ANO6: variants seen among roughly 807,000 people sequenced by gnomAD.
The protein encoded by ANO6 is anoctamin 6, also known as anoctamin-6.
A neutral mutation model predicts 117.5 loss-of-function variants in ANO6; 106 were observed. That is an observed-to-expected ratio of 0.90 (90% CI 0.77 to 1.06). The LOEUF (loss-of-function observed/expected upper bound fraction) is 1.06, where lower values mean the gene tolerates loss of function less well. ANO6 is among the 50% of genes least tolerant of loss of function. The probability of loss-of-function intolerance (pLI) is 0.00; values close to 1 mark genes in which losing one functional copy is unlikely to be tolerated. For missense variants in ANO6, 955 were observed against 1,121.1 expected (o/e 0.85, Z 2.12); for synonymous variants, 367 against 385.1 (o/e 0.95, Z 0.55).
chr12:45,290,295 A>G (rs1214250817), intron 1 of ANO6, among the ~76,000 whole-genome samples: 1 of 151,058 alleles, frequency 6.6e-6, no homozygotes. Context: ...TTATGTTCTC[A>G]TTCCTTCTAG....
intron 1 of ANO6, among the ~76,000 whole-genome samples, chr12:45,273,176 C>G (rs1441092848): frequency 6.6e-6 from 1 of 152,048 alleles, no homozygotes; most frequent in Non-Finnish European, 1.5e-5. Context: ...TCAAAGGGTA[C>G]AGAGTTTAAG....
At position 45,377,329 on chromosome 12, in the gene ANO6, G is replaced by T. The variant is rs180771586; in HGVS notation, c.1105-724G>T. Among the ~76,000 whole-genome samples, 5 of 152,108 alleles carry T rather than the reference G, an allele frequency of 3.3e-5. No individual in the cohort carries two copies. The East Asian group carries it at 9.7e-4, about 29-fold the overall frequency. On this transcript the variant is annotated intron_variant, in intron 9 of 19. Coordinates refer to ENST00000320560, the MANE Select transcript of ANO6 (RefSeq NM_001025356.3). ...AAATATTTTCCAGGAACTCATAGAG[G>T]GAGATAGGCTACATATATAATAGCA...
chr12:45,259,533 G>A (rs1487388164), intron 1 of ANO6, among the ~76,000 whole-genome samples: 1 of 152,174 alleles, frequency 6.6e-6, no homozygotes, highest in Admixed American at 6.5e-5. Context: ...GATGCCCCTG[G>A]GCATTCACAG....
chr12:45,413,144 G>A (rs1943128436), intron 16 of ANO6, among the ~76,000 whole-genome samples: 1 of 152,202 alleles, frequency 6.6e-6, no homozygotes. Flanking sequence ...TAACATTTAT[G>A]TGGAATAAGA....
At chr12:45,252,993 G>A (rs1937678903) in intron 1 of ANO6, among the ~76,000 whole-genome samples, 1 of 152,040 alleles carries the variant, frequency 6.6e-6, no homozygotes, top group Non-Finnish European at 1.5e-5. Flanking sequence ...GACTTCCTTG[G>A]GGACAGAAAT....
At chr12:45,428,893 A>G (rs1483271012) in intron 19 of ANO6, among the ~76,000 whole-genome samples, 1 of 152,156 alleles carries the variant, frequency 6.6e-6, no homozygotes, top group South Asian at 2.1e-4. Flanking sequence ...ACTTTTCTAC[A>G]TATCACATAG....
At chr12:45,399,136 A>G (rs541190209) in intron 12 of ANO6, among the ~76,000 whole-genome samples, 4 of 152,262 alleles carry the variant, frequency 2.6e-5, no homozygotes, top group Admixed American at 2.6e-4. Context: ...TGGTAGCAGA[A>G]TGGCTGAAGC....
At chr12:45,366,293 T>C (rs1941683889) in intron 8 of ANO6, among the ~76,000 whole-genome samples, 1 of 152,164 alleles carries the variant, frequency 6.6e-6, no homozygotes, top group Non-Finnish European at 1.5e-5. Flanking sequence ...ATATTTTTCT[T>C]TGTGGTTTAT....
intron 1 of ANO6, among the ~76,000 whole-genome samples, chr12:45,237,986 G>A (rs1312163257): frequency 2.6e-5 from 4 of 152,056 alleles, no homozygotes; most frequent in African/African-American, 7.2e-5. Context: ...CTTTGTAGCA[G>A]TTGTGAATGG....
intron 10 of ANO6, chr12:45,383,176 G>C (rs1942212599): frequency 4.6e-6 from 1 of 216,626 alleles, no homozygotes; most frequent in South Asian, 8.7e-5. Context: ...TCCATCTCAA[G>C]AAACCACTTT....
At chr12:45,224,642 C>G in intron 1 of ANO6, among the ~76,000 whole-genome samples, 1 of 152,152 alleles carries the variant, frequency 6.6e-6, no homozygotes, top group East Asian at 1.9e-4. Flanking sequence ...TCTTAAAATA[C>G]TTTATTTGGT....
At chr12:45,321,463 G>GA (rs905475117) in intron 2 of ANO6, among the ~76,000 whole-genome samples, 12 of 151,926 alleles carry the variant, frequency 7.9e-5, no homozygotes, top group Admixed American at 3.3e-4. Context: ...TATATGATAT[G>GA]AAAAAAAATC....
chr12:45,250,096 G>A (rs776735536), intron 1 of ANO6, among the ~76,000 whole-genome samples: 67 of 152,144 alleles, frequency 4.4e-4, no homozygotes, highest in Non-Finnish European at 7.1e-4. Flanking sequence ...CAAGAACTGT[G>A]TTACTAGAGA....
At chr12:45,319,607 G>C (rs1940183353) in intron 2 of ANO6, among the ~76,000 whole-genome samples, 1 of 152,102 alleles carries the variant, frequency 6.6e-6, no homozygotes, top group African/African-American at 2.4e-5. Context: ...GCCAGGCTTT[G>C]GTATCAGGAT....
chr12:45,427,268 G>A (rs1306277544), intron 19 of ANO6, among the ~76,000 whole-genome samples: 1 of 152,062 alleles, frequency 6.6e-6, no homozygotes, highest in Non-Finnish European at 1.5e-5. Context: ...CTCACTCAGA[G>A]TCAGAGCCAG....
At chr12:45,296,960 A>G (rs1194762165) in intron 1 of ANO6, among the ~76,000 whole-genome samples, 1 of 152,196 alleles carries the variant, frequency 6.6e-6, no homozygotes, top group Non-Finnish European at 1.5e-5. Flanking sequence ...TTTTTTAACA[A>G]CATGCTTGTG....
chr12:45,320,940 C>T (rs995330179), intron 2 of ANO6, among the ~76,000 whole-genome samples: 1 of 152,070 alleles, frequency 6.6e-6, no homozygotes, highest in African/African-American at 2.4e-5. Context: ...AGGATTGCAA[C>T]CCCTGCCTTT....
intron 1 of ANO6, among the ~76,000 whole-genome samples, chr12:45,287,522 G>A (rs1938956733): frequency 1.3e-5 from 2 of 152,230 alleles, no homozygotes; most frequent in African/African-American, 4.8e-5. Context: ...AGTGTGAGCT[G>A]TATTATCCAT....
chr12:45,270,953 C>T (rs1344583251), intron 1 of ANO6, among the ~76,000 whole-genome samples: 1 of 152,072 alleles, frequency 6.6e-6, no homozygotes, highest in Non-Finnish European at 1.5e-5. Context: ...CTCCTGACCT[C>T]AAGTGATCCA....
Sources: gnomAD v4.1 joint callset for allele counts (sites outside exome capture counted in the v4.1 genomes callset) on GRCh38, gnomAD v4.1.1 for gene constraint, MANE v1.5 for transcripts, NCBI Gene and HGNC (gene_info 2026-07-23, HGNC 2026-07-21) for gene names.